RPRD1B: variants seen among roughly 807,000 people sequenced by gnomAD.
The protein encoded by RPRD1B is regulation of nuclear pre-mRNA domain-containing protein 1B.
A neutral mutation model predicts 41.5 loss-of-function variants in RPRD1B; 11 were observed. That is an observed-to-expected ratio of 0.27 (90% CI 0.17 to 0.44). The LOEUF is 0.44. Ranked by LOEUF, RPRD1B falls within the 20% of genes least tolerant of loss-of-function variation. RPRD1B has a pLI of 1.00. For synonymous variants in RPRD1B, 158 were observed against 155.6 expected, an observed-to-expected ratio of 1.02 and a Z score of -0.12; for missense variants, 248 against 389.9, an observed-to-expected ratio of 0.64 and a Z score of 3.06.
chr20:38,049,365 TTC>T (rs751341166), intron 3 of RPRD1B, among the ~76,000 whole-genome samples: 2 of 141,056 alleles, frequency 1.4e-5, no homozygotes, highest in African/African-American at 2.8e-5. Context: ...CTTTCTTTTT[TTC>T]TTTTTTTTTT....
At chr20:38,055,775 G>A (rs1314104772) in intron 3 of RPRD1B, among the ~76,000 whole-genome samples, 4 of 152,190 alleles carry the variant, frequency 2.6e-5, no homozygotes, top group African/African-American at 7.2e-5. Flanking sequence ...ACAGCACAGC[G>A]AAGCACTTTG....
chr20:38,059,703 A>G (rs573871797), intron 5 of RPRD1B, among the ~76,000 whole-genome samples, 183 bp downstream of exon 5: 22 of 152,370 alleles, frequency 1.4e-4, no homozygotes, highest in African/African-American at 5.3e-4. Context: ...GAAATAGTCA[A>G]AGCTTGAATA....
At chr20:38,062,644 T>C (rs1437587128) in intron 5 of RPRD1B, among the ~76,000 whole-genome samples, 1 of 152,116 alleles carries the variant, frequency 6.6e-6, no homozygotes, top group Admixed American at 6.5e-5. Flanking sequence ...GTCTCTACCA[T>C]GTTCAGTTGA....
intron 6 of RPRD1B, among the ~76,000 whole-genome samples, chr20:38,069,400 A>G (rs6013811): frequency 2.8e-4 from 42 of 152,372 alleles, no homozygotes; most frequent in African/African-American, 9.4e-4. Context: ...GGTAAGTCCA[A>G]ACTTCCTGTC....
chr20:38,058,860 C>T, intron 4 of RPRD1B, among the ~76,000 whole-genome samples: 1 of 152,084 alleles, frequency 6.6e-6, no homozygotes, highest in East Asian at 1.9e-4. Context: ...ACATATGCCA[C>T]CATGCTTGGC....
chr20:38,090,736 G>C lies in RPRD1B; in HGVS notation c.*861G>C, dbSNP rs976494083. 1.0e-6 allele frequency: 1 copy of C among 985,502 alleles called. No individual in the cohort carries two copies. Among genetic ancestry groups the C allele is most frequent in the Non-Finnish European group, 1.2e-6 (1 of 829,966 alleles). 61.0% of individuals were successfully genotyped at this position (985,502 alleles called of 1,614,324 possible). On this transcript the variant is annotated 3_prime_UTR_variant, in exon 7 of 7. Transcript: ENST00000373433. ...CCAAAAGATGAAGGCCCCACACACA[G>C]GTGTGCTGCATTTGGGATCTGTGTG... is the stretch of plus-strand genomic sequence containing the variant.
intron 3 of RPRD1B, among the ~76,000 whole-genome samples, chr20:38,057,075 G>A (rs563197251): frequency 6.6e-6 from 1 of 151,924 alleles, no homozygotes. Context: ...TATTTTTAGG[G>A]GAATAGTGTA....
chr20:38,073,374 C>A (rs1320486289), intron 6 of RPRD1B, among the ~76,000 whole-genome samples: 1 of 152,204 alleles, frequency 6.6e-6, no homozygotes, highest in African/African-American at 2.4e-5. Context: ...CCTCGCTTGG[C>A]ACCTCCCCCT....
chr20:38,089,363 G>A (rs983439800), intron 6 of RPRD1B, among the ~76,000 whole-genome samples: 4 of 152,072 alleles, frequency 2.6e-5, no homozygotes, highest in African/African-American at 9.7e-5. Flanking sequence ...GGTGGAGTCC[G>A]CAAAGAAATT....
chr20:38,046,377 T>C (rs946180534), intron 2 of RPRD1B, among the ~76,000 whole-genome samples: 5 of 152,222 alleles, frequency 3.3e-5, no homozygotes, highest in Admixed American at 2.0e-4. Flanking sequence ...GAAACCCATA[T>C]ACATTTTTCT....
intron 5 of RPRD1B, among the ~76,000 whole-genome samples, chr20:38,063,588 G>A (rs1462982595): frequency 6.6e-6 from 1 of 152,206 alleles, no homozygotes; most frequent in African/African-American, 2.4e-5. Context: ...TAGTGGGAGA[G>A]TGGTATGTAG....
Position 38,090,829 on chromosome 20 carries a change from A to G in RPRD1B, c.*954A>G. 4.1e-6 allele frequency: 4 copies of G among 985,466 alleles called. No homozygotes were observed. The African/African-American group carries it at 5.2e-5, about 13-fold the overall frequency. 61.0% of individuals were successfully genotyped at this position (985,466 alleles called of 1,614,324 possible). A position where few individuals can be genotyped will look rare whatever the true frequency, so the allele number is the denominator to read the frequency against. On this transcript the variant is annotated 3_prime_UTR_variant, in exon 7 of 7. Transcript: ENST00000373433. Reference sequence around the variant, plus strand: ...AACGTTTAATCCGCTGTCTGGGTGCATGTCCACAGTACGGTGGCTAAACTC... The same window carrying G: ...AACGTTTAATCCGCTGTCTGGGTGCGTGTCCACAGTACGGTGGCTAAACTC...
chr20:38,083,603 C>G (rs2122768232), intron 6 of RPRD1B, among the ~76,000 whole-genome samples: 1 of 152,288 alleles, frequency 6.6e-6, no homozygotes, highest in South Asian at 2.1e-4. Flanking sequence ...CTCTGTGGTA[C>G]AATTTCAGGT....
rs368907598 is a variant in RPRD1B, at chr20:38,049,169, A to G, written c.415+688A>G. Among the ~76,000 whole-genome samples, 1,079 of 151,332 alleles carry G rather than the reference A, an allele frequency of 7.1e-3. 5 individuals are homozygous for G. Among genetic ancestry groups the G allele is most frequent in the African/African-American group, 0.021 (862 of 41,246 alleles). On this transcript the variant is annotated intron_variant, in intron 3 of 6. Transcript: ENST00000373433. ...TCACCATGTTTGCCAGGCTGGTCTC[A>G]AACTCCTGACCTCAAGTGATCTGCC...
rs6097755 is a variant in RPRD1B at position 38,092,202 on chromosome 20, C to T, written c.*2327C>T. 1.0e-6 allele frequency: 1 copy of T among 985,524 alleles called. No homozygotes were observed. 61.0% of individuals were successfully genotyped at this position (985,524 alleles called of 1,614,324 possible). A position where few individuals can be genotyped will look rare whatever the true frequency, so the allele number is the denominator to read the frequency against. On this transcript the variant is annotated 3_prime_UTR_variant, in exon 7 of 7. Transcript: ENST00000373433. The stretch of plus-strand genomic sequence containing the variant: ...TTCCTCAGAAAGTCTTCAATCTTCC[C>T]TTGTTTTTGTTTGTTTGTTTTTCTT...
intron 4 of RPRD1B, among the ~76,000 whole-genome samples, chr20:38,059,183 C>G (rs2074272371): frequency 6.6e-6 from 1 of 152,130 alleles, no homozygotes; most frequent in Admixed American, 6.5e-5. Context: ...CATTCATGTT[C>G]TGCCATGGAC....
chr20:38,091,912 G>C lies in RPRD1B; in HGVS notation c.*2037G>C, dbSNP rs1195436462. The stretch of plus-strand genomic sequence containing the variant: ...AACTGTAGCAATTATGTAAATGAAT[G>C]TGTTGGCCTCTTAATACCTGTTACT... On this transcript the variant is annotated 3_prime_UTR_variant, in exon 7 of 7. Coordinates refer to ENST00000373433, the MANE Select transcript of RPRD1B (RefSeq NM_021215.4). 4 of 985,738 alleles carry C rather than the reference G, an allele frequency of 4.1e-6. No individual in the cohort carries two copies. The highest frequency in any genetic ancestry group is 4.8e-6 in the Non-Finnish European group (4 of 829,904). The allele number at this position is 985,738 out of a possible 1,614,324, so 61.1% of individuals were successfully genotyped here.
At position 38,091,021 on chromosome 20, in the gene RPRD1B, C is replaced by T; in HGVS notation, c.*1146C>T. The stretch of plus-strand genomic sequence containing the variant: ...GGGATATTAATTGGGGGTTTTAATT[C>T]TATTATCATGTCAGCTGACATTATG... On this transcript the variant is annotated 3_prime_UTR_variant, in exon 7 of 7. Transcript: ENST00000373433. 1.0e-6 allele frequency: 1 copy of T among 985,642 alleles called. No homozygotes were observed. Among genetic ancestry groups the T allele is most frequent in the South Asian group, 4.7e-5 (1 of 21,278 alleles). The allele number at this position is 985,642 out of a possible 1,614,324, so 61.1% of individuals were successfully genotyped here. A position where few individuals can be genotyped will look rare whatever the true frequency, so the allele number is the denominator to read the frequency against.
intron 3 of RPRD1B, among the ~76,000 whole-genome samples, chr20:38,052,239 G>A (rs551483170): frequency 1.3e-5 from 2 of 152,338 alleles, no homozygotes; most frequent in African/African-American, 4.8e-5. Context: ...GCCCCTGCCA[G>A]TTCTAGTATC....
Sources: allele counts gnomAD v4.1 joint callset (sites outside exome capture counted in the v4.1 genomes callset), GRCh38; gene constraint gnomAD v4.1.1; transcripts MANE v1.5; gene names NCBI Gene and HGNC (gene_info 2026-07-23, HGNC 2026-07-21).